The following MAP7 variants were observed in gnomAD, a reference collection of about 807,000 sequenced individuals.
The protein encoded by MAP7 is microtubule associated protein 7.
In MAP7, 52 loss-of-function variants were observed where a neutral mutation model predicts 94.8. That is an observed-to-expected ratio of 0.55 (90% CI 0.44 to 0.69). MAP7 has a LOEUF of 0.69. Among genes scored for constraint, MAP7 ranks in the 30% least tolerant of loss-of-function variants. The pLI is 0.00. For missense variants in MAP7, 940 were observed against 964.6 expected (o/e 0.97, Z 0.34); for synonymous variants, 350 against 357.0 (o/e 0.98, Z 0.22).
chr6:136,388,848 C>A (rs1050139296), intron 4 of MAP7, among the ~76,000 whole-genome samples: 4 of 152,232 alleles, frequency 2.6e-5, no homozygotes, highest in East Asian at 1.9e-4. Flanking sequence ...ATTTACCATA[C>A]GATACCATAT....
intron 1 of MAP7, among the ~76,000 whole-genome samples, chr6:136,530,454 C>A (rs952593547): frequency 1.8e-4 from 27 of 152,172 alleles, no homozygotes; most frequent in Admixed American, 5.9e-4. Context: ...TTACTTCTAG[C>A]AGGAGTTTTA....
At chr6:136,400,212 C>T (rs1036319366) in intron 3 of MAP7, among the ~76,000 whole-genome samples, 2 of 151,826 alleles carry the variant, frequency 1.3e-5, no homozygotes, top group Non-Finnish European at 2.9e-5. Context: ...GTCAGGAGAT[C>T]GAGACCATCC....
chr6:136,483,682 A>C (rs975131089), intron 1 of MAP7, among the ~76,000 whole-genome samples: 1 of 152,180 alleles, frequency 6.6e-6, no homozygotes, highest in African/African-American at 2.4e-5. Flanking sequence ...CAAAACAAAA[A>C]AAAGTTTTTC....
intron 1 of MAP7, among the ~76,000 whole-genome samples, chr6:136,455,318 T>G (rs1802562923): frequency 1.3e-5 from 2 of 152,134 alleles, no homozygotes; most frequent in Admixed American, 1.3e-4. Context: ...ACCCAATATC[T>G]GAGCATCTAA....
At chr6:136,449,018 A>AAAAG (rs1554257989) in intron 1 of MAP7, among the ~76,000 whole-genome samples, 2,938 of 143,620 alleles carry the variant, frequency 0.02, 101 homozygotes, top group African/African-American at 0.058. Context: ...AAAAAAAAAA[A>AAAAG]AAGAAGCAAG....
At chr6:136,445,686 T>C (rs1799118034) in intron 1 of MAP7, among the ~76,000 whole-genome samples, 1 of 152,198 alleles carries the variant, frequency 6.6e-6, no homozygotes, top group Admixed American at 6.5e-5. Context: ...GTGAGAGATC[T>C]TGAACTTGTT....
At chr6:136,528,220 T>C (rs1046466420) in intron 1 of MAP7, among the ~76,000 whole-genome samples, 1 of 152,188 alleles carries the variant, frequency 6.6e-6, no homozygotes, top group African/African-American at 2.4e-5. Flanking sequence ...TAGATCGATC[T>C]CCAATTTATG....
At chr6:136,397,399 T>C (rs1280121296) in intron 3 of MAP7, among the ~76,000 whole-genome samples, 1 of 152,116 alleles carries the variant, frequency 6.6e-6, no homozygotes, top group Non-Finnish European at 1.5e-5. Flanking sequence ...ATATTCCCTA[T>C]GGATAATGTT....
chr6:136,407,011 C>G (rs79706382), intron 3 of MAP7, among the ~76,000 whole-genome samples: 1 of 152,192 alleles, frequency 6.6e-6, no homozygotes, highest in Non-Finnish European at 1.5e-5. Context: ...AATTATGGCA[C>G]GCCCACACAA....
chr6:136,367,716 A>C (rs1317025447), intron 8 of MAP7, among the ~76,000 whole-genome samples: 1 of 152,094 alleles, frequency 6.6e-6, no homozygotes, highest in East Asian at 1.9e-4. Flanking sequence ...CATTTCTCCC[A>C]TTTTAGGTCC....
In MAP7 at chr6:136,365,791, T is replaced by A. The variant is rs763486220; in HGVS notation, c.1217A>T (p.Lys406Met). 88 of 1,614,030 alleles carry A rather than the reference T, an allele frequency of 5.5e-5. No individual in the cohort carries two copies. Among genetic ancestry groups the A allele is most frequent in the Non-Finnish European group, 7.4e-5 (87 of 1,180,014 alleles). The part of the protein sequence containing the change: ...PSLKGRAPLV[K>M]VEEATVEERT... ...CTCTTCAACTGTGGCTTCTTCTACC[T>A]TCACTAAAGGTGCTCTGCCCTTTAG... The change falls in exon 10 of 18, where the codon AAG (lysine) becomes ATG (methionine). Residue 406 changes from lysine (K) to methionine (M), a missense_variant. Transcript: ENST00000354570.
intron 15 of MAP7, among the ~76,000 whole-genome samples, chr6:136,356,996 GTATTAA>G (rs142810521): frequency 0.017 from 2,573 of 152,230 alleles, 80 homozygotes; most frequent in African/African-American, 0.057. Context: ...AGAATTAAAT[GTATTAA>G]TATTAATACA....
At chr6:136,456,973 A>G (rs1803461092) in intron 1 of MAP7, among the ~76,000 whole-genome samples, 1 of 151,612 alleles carries the variant, frequency 6.6e-6, no homozygotes, top group Non-Finnish European at 1.5e-5. Flanking sequence ...TCAGAGCAGG[A>G]AAAAAAAGGA....
chr6:136,510,712 T>C (rs1003714146), intron 1 of MAP7, among the ~76,000 whole-genome samples: 1 of 152,172 alleles, frequency 6.6e-6, no homozygotes, highest in Non-Finnish European at 1.5e-5. Flanking sequence ...ATAACTTTTA[T>C]TATGGTATAT....
intron 3 of MAP7, among the ~76,000 whole-genome samples, chr6:136,410,057 C>T (rs375729129): frequency 2.0e-5 from 3 of 152,270 alleles, no homozygotes; most frequent in African/African-American, 4.8e-5. Context: ...GCAGCATATT[C>T]GTGCTTTCCA....
chr6:136,360,613 C>G (rs904551750), intron 13 of MAP7, 84 bp downstream of exon 13: 46 of 1,141,176 alleles, frequency 4.0e-5, no homozygotes, highest in Non-Finnish European at 5.6e-5. Context: ...GGGTAGAACA[C>G]GCGTTTTCTG....
At position 136,383,722 on chromosome 6, in the gene MAP7, T is replaced by C. The variant is rs770056643; in HGVS notation, c.586A>G (p.Ser196Gly). 6.2e-7 allele frequency: 1 copy of C among 1,611,476 alleles called. No homozygotes were observed. The highest frequency in any genetic ancestry group is 1.3e-5 in the African/African-American group (1 of 74,796). ...GCAGATGAAGAGGAGAGCCGCTTGC[T>C]AATGACGGGATCAACATATTTCGAA... ...NLSKYVDPVI[S>G]KRLSSSSATL... Residue 196 changes from serine to glycine, a missense_variant, in exon 6 of 18, where the codon AGC becomes GGC. Transcript: ENST00000354570.
At chr6:136,391,223 A>T (rs998792816) in intron 3 of MAP7, among the ~76,000 whole-genome samples, 2 of 151,736 alleles carry the variant, frequency 1.3e-5, no homozygotes, top group Admixed American at 1.3e-4. Context: ...ATGCAGCCAT[A>T]AAAAATGATG....
Position 136,365,909 on chromosome 6 carries a change from C to T in MAP7, c.1099G>A (p.Gly367Ser), listed in dbSNP as rs755453056. Residue 367 changes from glycine (G) to serine (S), a missense_variant, in exon 10 of 18, where the codon GGC becomes AGC. Coordinates refer to ENST00000354570, the MANE Select transcript of MAP7 (RefSeq NM_003980.6). ...APAQVRPPSP[G>S]NIRPVKREVK... is the part of the protein sequence containing the mutation. ...TCCCTCTTGACAGGGCGGATGTTGC[C>T]GGGGGATGGGGGCCGGACCTGAGCA... is the stretch of plus-strand genomic sequence containing the variant. 3.3e-5 allele frequency: 54 copies of T among 1,613,924 alleles called. No homozygotes were observed. The highest frequency in any genetic ancestry group is 5.3e-5 in the African/African-American group (4 of 74,872).
Sources: gnomAD v4.1 joint callset for allele counts (sites outside exome capture counted in the v4.1 genomes callset) on GRCh38, gnomAD v4.1.1 for gene constraint, MANE v1.5 for transcripts, NCBI Gene and HGNC (gene_info 2026-07-23, HGNC 2026-07-21) for gene names.